Variants in VPS8 observed in about 807,000 individuals in gnomAD.
The protein encoded by VPS8 is vacuolar protein sorting-associated protein 8 homolog.
In VPS8, 129 loss-of-function variants were observed where a neutral mutation model predicts 216.4. The ratio of observed to expected loss-of-function variants is 0.60; its 90% CI spans 0.52 to 0.69. VPS8 has a LOEUF of 0.69. VPS8 is among the 30% of genes least tolerant of loss of function. VPS8 has a pLI of 0.00. For synonymous variants in VPS8, 571 were observed against 565.4 expected (o/e 1.01, Z -0.14); for missense variants, 1,531 against 1,683.5 (o/e 0.91, Z 1.59).
At chr3:184,977,975 C>T (rs764880044) in intron 40 of VPS8, among the ~76,000 whole-genome samples, 13 of 150,394 alleles carry the variant, frequency 8.6e-5, no homozygotes, top group South Asian at 2.1e-4. Flanking sequence ...GTCTCTCCTC[C>T]GTAATTTTTT....
intron 32 of VPS8, among the ~76,000 whole-genome samples, chr3:184,928,743 C>G (rs1348155447): frequency 1.3e-5 from 2 of 151,974 alleles, no homozygotes; most frequent in African/African-American, 4.8e-5. Context: ...AGATATGAAA[C>G]TTTTATATAA....
chr3:184,983,040 A>G lies in VPS8; in HGVS notation c.3531A>G (p.Leu1177=), dbSNP rs1463619961. 1.2e-6 allele frequency: 2 copies of G among 1,609,510 alleles called. No homozygotes were observed. The highest frequency in any genetic ancestry group is 1.7e-6 in the Non-Finnish European group (2 of 1,177,598). Residue 1177 remains leucine, a synonymous_variant, in exon 42 of 48, where the codon TTA becomes TTG. Coordinates refer to ENST00000625842, the MANE Select transcript of VPS8 (RefSeq NM_001009921.3). Reference sequence around the variant, plus strand: ...TGAAGTCTTTGACCATGCAAGTTTTAAATAGCATGGCAGCATTTATTGCCC... The same window carrying G: ...TGAAGTCTTTGACCATGCAAGTTTTGAATAGCATGGCAGCATTTATTGCCC... ...EALKSLTMQV[L]NSMAAFIALP...
At chr3:184,834,340 C>A (rs1448950659) in intron 4 of VPS8, among the ~76,000 whole-genome samples, 1 of 152,126 alleles carries the variant, frequency 6.6e-6, no homozygotes, top group Non-Finnish European at 1.5e-5. Context: ...GGGTTTAATA[C>A]ATTTTAAGGT....
rs557882241 is a variant in VPS8 at position 184,893,151 on chromosome 3, T to C, written c.1782-1552T>C. 6.2e-6 allele frequency: 4 copies of C among 647,152 alleles called. No homozygotes were observed. The Admixed American group carries it at 2.3e-4, about 38-fold the overall frequency. 40.1% of individuals were successfully genotyped at this position (647,152 alleles called of 1,614,324 possible). A position where few individuals can be genotyped will look rare whatever the true frequency, so the allele number is the denominator to read the frequency against. ...AAATGGCTGTGGATTTTCCCTAGAATGTTGCAAATGCTGTTAATTGCAGGG... is the reference window on the plus strand; with the variant it reads ...AAATGGCTGTGGATTTTCCCTAGAACGTTGCAAATGCTGTTAATTGCAGGG... On this transcript the variant is annotated intron_variant, in intron 22 of 47. Coordinates refer to ENST00000625842, the MANE Select transcript of VPS8 (RefSeq NM_001009921.3).
intron 32 of VPS8, 66 bp from the exon 33 acceptor site, chr3:184,929,514 T>G: frequency 1.1e-6 from 1 of 911,256 alleles, no homozygotes; most frequent in Non-Finnish European, 1.7e-6. Flanking sequence ...CTAACCTGTG[T>G]GCCAGAGCAA....
At position 184,869,646 on chromosome 3, in the gene VPS8, A is replaced by AAC. The variant is rs563364165; in HGVS notation, c.1644+132_1644+133dup. 5.9e-3 allele frequency: 5,520 copies of AAC among 933,378 alleles called. 16 individuals are homozygous for AAC. Among genetic ancestry groups the AAC allele is most frequent in the Middle Eastern group, 8.9e-3 (39 of 4,402 alleles). The allele number at this position is 933,378 out of a possible 1,614,324, so 57.8% of individuals were successfully genotyped here. ...CAATCTAGAAGAGAGTGTATTAAAA[A>AAC]ACACACACACACACAGACACACACT... On this transcript the variant is annotated intron_variant, in intron 20 of 47. Transcript: ENST00000625842.
intron 7 of VPS8, among the ~76,000 whole-genome samples, chr3:184,841,629 T>C (rs1722155318): frequency 6.6e-6 from 1 of 152,314 alleles, no homozygotes; most frequent in Non-Finnish European, 1.5e-5. Context: ...ATATGTATCA[T>C]CTAATGGCCC....
chr3:184,985,963 A>C (rs772496173), intron 42 of VPS8, among the ~76,000 whole-genome samples: 1 of 152,242 alleles, frequency 6.6e-6, no homozygotes, highest in African/African-American at 2.4e-5. Context: ...GCTGATGCAC[A>C]TGAGTCTCTC....
intron 40 of VPS8, among the ~76,000 whole-genome samples, chr3:184,980,766 T>C (rs1024900331): frequency 6.6e-6 from 1 of 152,206 alleles, no homozygotes; most frequent in Non-Finnish European, 1.5e-5. Context: ...TTCAACTTTC[T>C]CCAGAATCTC....
At chr3:185,007,422 C>G (rs1754421723) in intron 45 of VPS8, among the ~76,000 whole-genome samples, 1 of 152,174 alleles carries the variant, frequency 6.6e-6, no homozygotes, top group South Asian at 2.1e-4. Flanking sequence ...TAACAATCTT[C>G]TTTGGCATTG....
chr3:184,816,585 TATATAGTAATGTTTCTCTAAATA>T (rs1215838234), intron 1 of VPS8, among the ~76,000 whole-genome samples: 2 of 152,186 alleles, frequency 1.3e-5, no homozygotes, highest in Non-Finnish European at 2.9e-5. Context: ...CCCATCCCAG[TATATAGTAATGTTTCTCTAAATA>T]GGGTCTGTAT....
At chr3:184,955,720 A>G (rs1745476145) in intron 36 of VPS8, among the ~76,000 whole-genome samples, 1 of 152,150 alleles carries the variant, frequency 6.6e-6, no homozygotes, top group African/African-American at 2.4e-5. Flanking sequence ...AAGGCAGTCC[A>G]ATGTACTGTC....
In VPS8 at chr3:185,048,611, G is replaced by T. The variant is rs1345708511; in HGVS notation, c.4137+52G>T. ...TTTATTTCCCTATTTATAGTTTACT[G>T]CTTTAGACAGGCAGTGTCTTGGAAC... On this transcript the variant is annotated intron_variant, in intron 47 of 47. Transcript: ENST00000625842. 6 of 1,596,478 alleles carry T rather than the reference G, an allele frequency of 3.8e-6. No individual in the cohort carries two copies. In the Admixed American group the frequency reaches 5.0e-5, roughly 13 times the overall value.
At chr3:185,025,851 C>G (rs1190269266) in intron 46 of VPS8, among the ~76,000 whole-genome samples, 1 of 152,214 alleles carries the variant, frequency 6.6e-6, no homozygotes, top group Non-Finnish European at 1.5e-5. Flanking sequence ...AAGATTTACT[C>G]TTCTGCTTAT....
chr3:184,924,925 C>T lies in VPS8; in HGVS notation c.2518C>T (p.Arg840Trp), dbSNP rs377715052. Residue 840 changes from arginine to tryptophan, a missense_variant, in exon 30 of 48, where the codon CGG becomes TGG. This residue lies in a region of VPS8 where 1,318 missense variants were observed against 1,468.4 expected (regional missense o/e 0.90). Transcript: ENST00000625842. Reference sequence around the variant, plus strand: ...AGGATGTCTCTTTACCTTCCTTGCTCGGCAGCTTGCAAAGCCTGACAACAC... The same window carrying T: ...AGGATGTCTCTTTACCTTCCTTGCTTGGCAGCTTGCAAAGCCTGACAACAC... ...QVGCLFTFLA[R>W]QLAKPDNTLF... The T allele has an allele frequency of 9.9e-6, 16 of 1,613,424 alleles. No homozygotes were observed. The African/African-American group carries it at 1.1e-4, about 11-fold the overall frequency.
At chr3:184,974,825 A>G (rs559470786) in intron 40 of VPS8, among the ~76,000 whole-genome samples, 1 of 152,228 alleles carries the variant, frequency 6.6e-6, no homozygotes, top group Non-Finnish European at 1.5e-5. Flanking sequence ...TCTTTTCCCT[A>G]ATGTATATTA....
At chr3:184,905,198 G>T (rs547928145) in intron 25 of VPS8, among the ~76,000 whole-genome samples, 18 of 152,254 alleles carry the variant, frequency 1.2e-4, no homozygotes, top group Admixed American at 3.9e-4. Context: ...TCCCAACATT[G>T]TTGCATTGGG....
chr3:184,849,044 C>G, intron 8 of VPS8, 27 bp from the exon 9 acceptor site: 1 of 1,610,926 alleles, frequency 6.2e-7, no homozygotes, highest in Non-Finnish European at 8.5e-7. Flanking sequence ...ATTTCCTTCA[C>G]TTGACTTTAA....
chr3:184,946,236 C>G (rs890822770), intron 36 of VPS8, among the ~76,000 whole-genome samples: 1 of 152,240 alleles, frequency 6.6e-6, no homozygotes, highest in African/African-American at 2.4e-5. Flanking sequence ...TAATCCCAAT[C>G]TTGTAGTCTT....
Sources: gnomAD v4.1 joint callset for allele counts (sites outside exome capture counted in the v4.1 genomes callset) on GRCh38, gnomAD v4.1.1 for gene constraint, gnomAD v4.1.1 regional missense constraint, MANE v1.5 for transcripts, NCBI Gene and HGNC (gene_info 2026-07-23, HGNC 2026-07-21) for gene names.